The following TSPAN5 variants were observed in gnomAD, a reference collection of about 807,000 sequenced individuals.
TSPAN5 encodes the protein tetraspanin 5, also known as tetraspanin-5.
In TSPAN5, 10 loss-of-function variants were observed where a neutral mutation model predicts 37.1. The observed-to-expected ratio is 0.27, with a 90% CI of 0.17 to 0.46. The LOEUF (loss-of-function observed/expected upper bound fraction) is 0.46. Ranked by LOEUF, TSPAN5 falls within the 20% of genes least tolerant of loss-of-function variation. The pLI, the probability that TSPAN5 is intolerant of heterozygous loss-of-function variation, is 1.00. For synonymous variants in TSPAN5, 110 were observed against 118.9 expected, an observed-to-expected ratio of 0.93 and a Z score of 0.48; for missense variants, 195 against 326.6, an observed-to-expected ratio of 0.60 and a Z score of 3.11.
chr4:98,635,472 A>G (rs1041802102), intron 1 of TSPAN5, among the ~76,000 whole-genome samples: 3 of 152,326 alleles, frequency 2.0e-5, no homozygotes, highest in Admixed American at 6.5e-5. Flanking sequence ...AATAGTTCCA[A>G]TGGTGGATCT....
intron 1 of TSPAN5, among the ~76,000 whole-genome samples, chr4:98,602,870 C>A (rs1479121541): frequency 6.6e-6 from 1 of 152,096 alleles, no homozygotes; most frequent in African/African-American, 2.4e-5. Context: ...ACACATATGA[C>A]ATACAGCAAT....
intron 1 of TSPAN5, among the ~76,000 whole-genome samples, chr4:98,546,337 C>A (rs1754469578): frequency 6.6e-6 from 1 of 152,102 alleles, no homozygotes; most frequent in Non-Finnish European, 1.5e-5. Flanking sequence ...TACACGGTGC[C>A]CTGAGCCATC....
chr4:98,478,692 T>A lies in TSPAN5; in HGVS notation c.569A>T (p.Asp190Val), dbSNP rs149789346. Reference sequence around the variant, plus strand: ...TCGCTGGCATTCACTTACTGCGGGATCTTTAGTGCAGCAGGAGAATGGAAC... The same window carrying A: ...TCGCTGGCATTCACTTACTGCGGGAACTTTAGTGCAGCAGGAGAATGGAAC... ...CGVPFSCCTK[D>V]PAEDVINTQC... The change falls in exon 5 of 8, where the codon GAT becomes GTT. Residue 190 changes from aspartate to valine, a missense_variant. Transcript: ENST00000305798. 19 of 1,614,180 alleles carry A rather than the reference T, an allele frequency of 1.2e-5. No homozygotes were observed. The highest frequency in any genetic ancestry group is 1.3e-5 in the Non-Finnish European group (15 of 1,180,022).
intron 1 of TSPAN5, among the ~76,000 whole-genome samples, chr4:98,560,990 C>T (rs886801843): frequency 3.3e-5 from 5 of 152,158 alleles, no homozygotes; most frequent in Non-Finnish European, 5.9e-5. Flanking sequence ...GGTATGTGGC[C>T]GAGTTTGGTA....
intron 7 of TSPAN5, among the ~76,000 whole-genome samples, chr4:98,475,768 T>A (rs1560504205): frequency 6.6e-6 from 1 of 152,092 alleles, no homozygotes. Context: ...GATGGGCGGA[T>A]CACGAGGTCA....
intron 1 of TSPAN5, among the ~76,000 whole-genome samples, chr4:98,537,767 A>G (rs946527435): frequency 1.3e-5 from 2 of 152,210 alleles, no homozygotes; most frequent in African/African-American, 4.8e-5. Flanking sequence ...GCGACAAGCC[A>G]AGCTAGGCCA....
In TSPAN5 at chr4:98,658,308, G is replaced by A. The variant is rs546824446; in HGVS notation, c.-82C>T. ...CCGTTGCTCGGAGCAGCCCGGCGGGGAGCAGGAGCTCAGGGACACCGCACG... is the reference window on the plus strand; with the variant it reads ...CCGTTGCTCGGAGCAGCCCGGCGGGAAGCAGGAGCTCAGGGACACCGCACG... On this transcript the variant is annotated 5_prime_UTR_variant, in exon 1 of 8. Coordinates refer to ENST00000305798, the MANE Select transcript of TSPAN5 (RefSeq NM_005723.4). 27 of 1,191,192 alleles carry A rather than the reference G, an allele frequency of 2.3e-5. No homozygotes were observed. The highest frequency in any genetic ancestry group is 1.3e-6 in the Non-Finnish European group (1 of 796,904). The allele number at this position is 1,191,192 out of a possible 1,614,324, so 73.8% of individuals were successfully genotyped here.
At chr4:98,542,219 A>C (rs1489680758) in intron 1 of TSPAN5, among the ~76,000 whole-genome samples, 1 of 152,254 alleles carries the variant, frequency 6.6e-6, no homozygotes, top group Non-Finnish European at 1.5e-5. Context: ...CAGTGGTCCT[A>C]GTGCCAACAC....
intron 1 of TSPAN5, among the ~76,000 whole-genome samples, chr4:98,543,823 T>G (rs1048225925): frequency 1.3e-5 from 2 of 152,120 alleles, no homozygotes; most frequent in Non-Finnish European, 2.9e-5. Context: ...TATGTGAACT[T>G]CACGACATTT....
intron 1 of TSPAN5, among the ~76,000 whole-genome samples, chr4:98,626,295 T>C (rs192241667): frequency 2.7e-3 from 412 of 152,300 alleles, no homozygotes; most frequent in African/African-American, 9.8e-3. Flanking sequence ...GACAAACAGA[T>C]ACACAAAGGG....
intron 1 of TSPAN5, among the ~76,000 whole-genome samples, chr4:98,598,044 C>T (rs376899795): frequency 2.3e-5 from 2 of 85,232 alleles, no homozygotes; most frequent in Admixed American, 1.2e-4. Flanking sequence ...GCCTCGTTGC[C>T]GCCTTGCAGT....
chr4:98,628,604 G>A (rs1040153515), intron 1 of TSPAN5, among the ~76,000 whole-genome samples: 19 of 152,130 alleles, frequency 1.2e-4, no homozygotes, highest in Non-Finnish European at 2.9e-5. Flanking sequence ...ACAGCTAATG[G>A]AAACCAGCTC....
intron 1 of TSPAN5, among the ~76,000 whole-genome samples, chr4:98,644,492 T>TA (rs1448787286): frequency 1.3e-5 from 2 of 152,068 alleles, no homozygotes; most frequent in Non-Finnish European, 2.9e-5. Context: ...ATTTTTGGAA[T>TA]AAAAAAGCAC....
At chr4:98,646,248 A>T (rs1285032694) in intron 1 of TSPAN5, among the ~76,000 whole-genome samples, 1 of 152,210 alleles carries the variant, frequency 6.6e-6, no homozygotes, top group African/African-American at 2.4e-5. Context: ...GGAAGGACAT[A>T]TAAGGGGAAA....
chr4:98,482,104 G>A lies in TSPAN5; in HGVS notation c.351C>T (p.Asp117=), dbSNP rs1219864866. The A allele has an allele frequency of 2.5e-6, 4 of 1,614,014 alleles. No individual in the cohort carries two copies. In the Admixed American group the frequency reaches 6.7e-5, roughly 27 times the overall value. Residue 117 remains aspartate (D), a synonymous_variant, in exon 4 of 8, where the codon GAC becomes GAT. Transcript: ENST00000305798. ...AGAAATACAGCTGGTCTTTGATCCAGTCTTTGAAAACAAATGCTAGAACTC... is the reference window on the plus strand; with the variant it reads ...AGAAATACAGCTGGTCTTTGATCCAATCTTTGAAAACAAATGCTAGAACTC... ...TAGVLAFVFK[D]WIKDQLYFFI...
chr4:98,482,051 C>T lies in TSPAN5; in HGVS notation c.404G>A (p.Arg135Gln). ...FFINNNIRAY[R>Q]DDIDLQNLID... is the part of the protein sequence containing the mutation. ...GAGGTTTTGCAAATCAATGTCATCC[C>T]GATATGCTCTGATGTTGTTGTTTAT... is the stretch of plus-strand genomic sequence containing the variant. The change falls in exon 4 of 8, where the codon CGG becomes CAG. Residue 135 changes from arginine to glutamine, a missense_variant. Transcript: ENST00000305798. 1.2e-6 allele frequency: 2 copies of T among 1,614,000 alleles called. No homozygotes were observed. The highest frequency in any genetic ancestry group is 1.1e-5 in the South Asian group (1 of 91,056).
At chr4:98,478,867 C>T (rs1388454194) in intron 4 of TSPAN5, 57 bp from the exon 5 acceptor site, 49 of 1,595,004 alleles carry the variant, frequency 3.1e-5, no homozygotes, top group Middle Eastern at 3.3e-4. Flanking sequence ...CAGTCACCTA[C>T]ACTCACACCC....
intron 1 of TSPAN5, among the ~76,000 whole-genome samples, chr4:98,511,177 C>T (rs1196349319): frequency 1.3e-5 from 2 of 152,190 alleles, no homozygotes; most frequent in Non-Finnish European, 2.9e-5. Context: ...TGCAAATGTA[C>T]AGTACAAATG....
Position 98,601,976 on chromosome 4 carries a change from G to A in TSPAN5, c.81+56170C>T, listed in dbSNP as rs59539162. On this transcript the variant is annotated intron_variant, in intron 1 of 7. Coordinates refer to ENST00000305798, the MANE Select transcript of TSPAN5 (RefSeq NM_005723.4). ...GGAGGAGAGACAAGAATGGCCAGTC[G>A]GTGGAGCAGTGAGAACACACACATT... 5.3e-3 allele frequency among the ~76,000 whole-genome samples: 802 copies of A among 152,238 alleles called. 8 individuals carry two copies. The highest frequency in any genetic ancestry group is 0.018 in the African/African-American group (740 of 41,572).
Sources: gnomAD v4.1 joint callset for allele counts (sites outside exome capture counted in the v4.1 genomes callset) on GRCh38, gnomAD v4.1.1 for gene constraint, MANE v1.5 for transcripts, NCBI Gene and HGNC (gene_info 2026-07-23, HGNC 2026-07-21) for gene names.